The following PYCR2 variants were observed in gnomAD, a reference collection of about 807,000 sequenced individuals.
The protein encoded by PYCR2 is P5C reductase 2.
PYCR2 carries 17 observed loss-of-function variants against 23.4 expected under a neutral mutation model. That is an observed-to-expected ratio of 0.73 (90% confidence interval 0.50 to 1.09). PYCR2 has a LOEUF of 1.09. Ranked by LOEUF, PYCR2 falls within the 50% of genes least tolerant of loss-of-function variation. The pLI is 0.00. For synonymous variants in PYCR2, 172 were observed against 176.6 expected, an observed-to-expected ratio of 0.97 and a Z score of 0.21; for missense variants, 380 against 423.5, an observed-to-expected ratio of 0.90 and a Z score of 0.90.
chr1:225,921,141 C>G lies in PYCR2; in HGVS notation c.797+67G>C. The G allele has an allele frequency of 6.8e-7, 1 of 1,479,976 alleles. No homozygotes were observed. Among genetic ancestry groups the G allele is most frequent in the Non-Finnish European group, 9.2e-7 (1 of 1,088,210 alleles). The allele number at this position is 1,479,976 out of a possible 1,614,324, so 91.7% of individuals were successfully genotyped here. On this transcript the variant is annotated intron_variant, in intron 6 of 6. Coordinates refer to ENST00000343818, the MANE Select transcript of PYCR2 (RefSeq NM_013328.4). This position sits in a 1 kb window ranked among gnomAD's most constrained non-coding sequence, Gnocchi z 4.2. ...AAGACAGCAGGTTCCGCAAATGGTG[C>G]TCAACCCAGCCCAGGGACCAACCAG...
At chr1:225,923,911 T>G (rs761975348) in intron 1 of PYCR2, 133 bp downstream of exon 1, 46 of 1,473,070 alleles carry the variant, frequency 3.1e-5, no homozygotes, top group Non-Finnish European at 4.1e-5. Flanking sequence ...GAAGACGCAC[T>G]TGCTGCTCAA....
chr1:225,922,277 A>C lies in PYCR2; in HGVS notation c.245T>G (p.Ile82Ser). The change falls in exon 3 of 7, where the codon ATT (isoleucine) becomes AGT (serine). Residue 82 changes from isoleucine to serine, a missense_variant. Ile to Ser is a moderately radical substitution (Grantham distance 142). Transcript: ENST00000343818. ...PHIIPFILDE[I>S]GADVQARHIV... ...GTGTCTGGCTTGCACGTCGGCCCCA[A>C]TCTCATCCAGGATGAAGGGGATGAT... is the stretch of plus-strand genomic sequence containing the variant. 1.2e-6 allele frequency: 2 copies of C among 1,614,190 alleles called. No homozygotes were observed. Among genetic ancestry groups the C allele is most frequent in the Non-Finnish European group, 1.7e-6 (2 of 1,180,044 alleles).
Position 225,921,997 on chromosome 1 carries a change from A to G in PYCR2, c.401T>C (p.Val134Ala). ...CAGGGCATGGGTGCCCGTGGCGTAC[A>G]CTGTAGCGCCTTCCTGCACTACCAC... Reference protein sequence around the residue: ...TPVVVQEGATVYATGTHALVE... With the variant: ...TPVVVQEGATAYATGTHALVE... Residue 134 changes from valine to alanine, a missense_variant, in exon 4 of 7, where the codon GTG (valine) becomes GCG (alanine). Physicochemically the swap from Val to Ala is moderately conservative, Grantham distance 64 (BLOSUM62 0). Coordinates refer to ENST00000343818, the MANE Select transcript of PYCR2 (RefSeq NM_013328.4). This position sits in a 1 kb window ranked among gnomAD's most constrained non-coding sequence, Gnocchi z 4.2. The G allele has an allele frequency of 6.2e-7, 1 of 1,614,126 alleles. No individual in the cohort carries two copies. The highest frequency in any genetic ancestry group is 8.5e-7 in the Non-Finnish European group (1 of 1,180,024).
In PYCR2 at chr1:225,921,209, G is replaced by A. The variant is rs886037931; in HGVS notation, c.796C>T (p.Arg266Ter). 1.5e-5 allele frequency: 24 copies of A among 1,612,802 alleles called. No homozygotes were observed. The highest frequency in any genetic ancestry group is 1.7e-4 in the Middle Eastern group (1 of 6,056). The stretch of plus-strand genomic sequence containing the variant: ...CAGAAGTCCGCGGGATGGACTCACC[G>A]TGTTCGGATACAGGAGGCCTCAACT... The part of the protein sequence containing the change: ...NAVEASCIRT[R>*]ELQSMADQEK... Residue 266 changes from arginine to a stop codon, truncating the protein, a stop_gained and splice_region_variant, in exon 6 of 7, where the codon CGA becomes TGA. Coordinates refer to ENST00000343818, the MANE Select transcript of PYCR2 (RefSeq NM_013328.4). LOFTEE classifies it high-confidence loss of function. The surrounding 1 kb of genome is among the most constrained non-coding windows in gnomAD (Gnocchi z 4.2).
chr1:225,920,543 A>G lies in PYCR2; in HGVS notation c.875T>C (p.Leu292Pro). 6.3e-7 allele frequency: 1 copy of G among 1,596,362 alleles called. No homozygotes were observed. Among genetic ancestry groups the G allele is most frequent in the Non-Finnish European group, 8.6e-7 (1 of 1,165,038 alleles). ...LKKTLLDRVK[L>P]ESPTVSTLTP... ...CAGTGTGGAGACTGTGGGGGATTCC[A>G]GCTTCACTCTGTCTAAGAGGGTCTT... Residue 292 changes from leucine to proline, a missense_variant, in exon 7 of 7, where the codon CTG (leucine) becomes CCG (proline). Transcript: ENST00000343818.
At position 225,921,867 on chromosome 1, in the gene PYCR2, C is replaced by T. The variant is rs763167064; in HGVS notation, c.531G>A (p.Gly177=). 3 of 1,612,848 alleles carry T rather than the reference C, an allele frequency of 1.9e-6. 1 individual carries two copies. In the South Asian group the frequency reaches 3.3e-5, roughly 18 times the overall value. Residue 177 remains glycine, a synonymous_variant, in exon 4 of 7, where the codon GGG becomes GGA. Transcript: ENST00000343818. The surrounding 1 kb of genome is among the most constrained non-coding windows in gnomAD (Gnocchi z 4.2). Reference sequence around the variant, plus strand: ...CAAATGAGGGCCTCACATAGGCAGGCCCGCTGCCACTGAGCCCCGTGACGG... The same window carrying T: ...CAAATGAGGGCCTCACATAGGCAGGTCCGCTGCCACTGAGCCCCGTGACGG... ...IDAVTGLSGS[G]PAYAFMALDA...
chr1:225,924,217 C>G lies in PYCR2; in HGVS notation c.-107G>C. 1 of 1,239,842 alleles carries G rather than the reference C, an allele frequency of 8.1e-7. No homozygotes were observed. Among genetic ancestry groups the G allele is most frequent in the South Asian group, 1.5e-5 (1 of 67,406 alleles). The allele number at this position is 1,239,842 out of a possible 1,614,324, so 76.8% of individuals were successfully genotyped here. A position where few individuals can be genotyped will look rare whatever the true frequency, so the allele number is the denominator to read the frequency against. On this transcript the variant is annotated 5_prime_UTR_variant, in exon 1 of 7. Coordinates refer to ENST00000343818, the MANE Select transcript of PYCR2 (RefSeq NM_013328.4). ...GCGCAGGGGCGAACGGGCGGCGTGC[C>G]GAGGACCGGCGAGCTAACAGCAGCT...
At chr1:225,923,616 G>A in intron 2 of PYCR2, 85 bp downstream of exon 2, 4 of 1,603,394 alleles carry the variant, frequency 2.5e-6, no homozygotes, top group Non-Finnish European at 2.6e-6. Context: ...GCACTTGGGC[G>A]CAGGGGCCGG....
At position 225,922,049 on chromosome 1, in the gene PYCR2, C is replaced by T. The variant is rs752695318; in HGVS notation, c.349G>A (p.Val117Met). 4 of 1,614,042 alleles carry T rather than the reference C, an allele frequency of 2.5e-6. No individual in the cohort carries two copies. Among genetic ancestry groups the T allele is most frequent in the East Asian group, 2.2e-5 (1 of 44,904 alleles). ...KLMAFQPAPK[V>M]IRCMTNTPVV... is the part of the protein sequence containing the mutation. Reference sequence around the variant, plus strand: ...GGTGTGTTGGTCATGCAGCGAATCACTTTGGGGGCTGGCTGGAATGCCATC... The same window carrying T: ...GGTGTGTTGGTCATGCAGCGAATCATTTTGGGGGCTGGCTGGAATGCCATC... The change falls in exon 4 of 7, where the codon GTG (valine) becomes ATG (methionine). Residue 117 changes from valine (V) to methionine (M), a missense_variant. Coordinates refer to ENST00000343818, the MANE Select transcript of PYCR2 (RefSeq NM_013328.4).
In PYCR2 at chr1:225,922,085, G is replaced by A; in HGVS notation, c.319-6C>T. 3 of 1,613,232 alleles carry A rather than the reference G, an allele frequency of 1.9e-6. No homozygotes were observed. The highest frequency in any genetic ancestry group is 2.5e-6 in the Non-Finnish European group (3 of 1,179,464). Reference sequence around the variant, plus strand: ...GGCTGGAATGCCATCAGCTTCTAGGGTGAGGGAGAGAGCCGAATGAGTGGC... The same window carrying A: ...GGCTGGAATGCCATCAGCTTCTAGGATGAGGGAGAGAGCCGAATGAGTGGC... On this transcript the variant is annotated splice_polypyrimidine_tract_variant and splice_region_variant and intron_variant, in intron 3 of 6. Transcript: ENST00000343818.
chr1:225,922,527 T>C (rs1671871428), intron 2 of PYCR2, 144 bp from the exon 3 acceptor site: 1 of 752,972 alleles, frequency 1.3e-6, no homozygotes, highest in Admixed American at 2.8e-5. Flanking sequence ...GTTCTACCCC[T>C]ACCCCAAATA....
chr1:225,922,513 C>G, intron 2 of PYCR2, 130 bp from the exon 3 acceptor site: 1 of 908,730 alleles, frequency 1.1e-6, no homozygotes. Context: ...TTTATGCCCT[C>G]AGGGTTCTAC....
intron 2 of PYCR2, chr1:225,923,491 T>C: frequency 1.4e-6 from 2 of 1,419,982 alleles, no homozygotes; most frequent in Non-Finnish European, 1.8e-6. Context: ...CTCCAGTGTC[T>C]GGATCTGACC....
intron 1 of PYCR2, 76 bp downstream of exon 1, chr1:225,923,968 C>A: frequency 1.3e-6 from 2 of 1,513,516 alleles, no homozygotes; most frequent in Non-Finnish European, 8.9e-7. Flanking sequence ...CTTTCATTCG[C>A]TCATGCTGGT....
rs777817447 is a variant in PYCR2, at chr1:225,924,115, C to T, written c.-5G>A. The stretch of plus-strand genomic sequence containing the variant: ...CCCGATGAAGCCCACGCTCATGGTC[C>T]GCGGTTCACGCCTCCTGGGAGCCGC... On this transcript the variant is annotated 5_prime_UTR_variant, in exon 1 of 7. Transcript: ENST00000343818. The T allele has an allele frequency of 4.5e-6, 7 of 1,542,342 alleles. No individual in the cohort carries two copies. The East Asian group carries it at 1.5e-4, about 32-fold the overall frequency.
In PYCR2 at chr1:225,922,283, T is replaced by C; in HGVS notation, c.239A>G (p.Asp80Gly). 2 of 1,614,156 alleles carry C rather than the reference T, an allele frequency of 1.2e-6. No individual in the cohort carries two copies. The highest frequency in any genetic ancestry group is 1.7e-6 in the Non-Finnish European group (2 of 1,180,014). ...GGCTTGCACGTCGGCCCCAATCTCATCCAGGATGAAGGGGATGATATGTGG... is the reference window on the plus strand; with the variant it reads ...GGCTTGCACGTCGGCCCCAATCTCACCCAGGATGAAGGGGATGATATGTGG... Reference protein sequence around the residue: ...VKPHIIPFILDEIGADVQARH... With the variant: ...VKPHIIPFILGEIGADVQARH... Residue 80 changes from aspartate (D) to glycine (G), a missense_variant, in exon 3 of 7, where the codon GAT becomes GGT. Asp to Gly is a moderately conservative substitution (Grantham distance 94). Transcript: ENST00000343818.
chr1:225,923,147 C>A (rs1671892051), intron 2 of PYCR2: 1 of 570,882 alleles, frequency 1.8e-6, no homozygotes, highest in African/African-American at 2.0e-5. Context: ...CAGTGGCTCA[C>A]CCCTGTAATC....
rs1159291026 is a variant in PYCR2 at position 225,922,348 on chromosome 1, C to T, written c.174G>A (p.Glu58=). ...MGVNLTRSNK[E]TVKHSDVLFL... is the part of the protein sequence containing the mutation. The stretch of plus-strand genomic sequence containing the variant: ...ACAGGACGTCGCTGTGCTTCACCGT[C>T]TCCTTGTTGCTGCGTGTCAGGTTCA... The change falls in exon 3 of 7, where the codon GAG becomes GAA. Residue 58 remains glutamate, a synonymous_variant. Transcript: ENST00000343818. 6.2e-7 allele frequency: 1 copy of T among 1,614,022 alleles called. No individual in the cohort carries two copies. Among genetic ancestry groups the T allele is most frequent in the South Asian group, 1.1e-5 (1 of 91,082 alleles).
At position 225,924,062 on chromosome 1, in the gene PYCR2, G is replaced by C. The variant is rs1373428492; in HGVS notation, c.49C>G (p.Arg17Gly). 6.5e-7 allele frequency: 1 copy of C among 1,542,778 alleles called. No homozygotes were observed. The highest frequency in any genetic ancestry group is 8.7e-7 in the Non-Finnish European group (1 of 1,146,932). Reference protein sequence around the residue: ...GAGQLAYALARGFTAAGILSA... With the variant: ...GAGQLAYALAGGFTAAGILSA... ...CGCTTGCCTGCGGCCGTGAAGCCCC[G>C]CGCCAGAGCATAGGCCAGCTGGCCG... Residue 17 changes from arginine to glycine, a missense_variant, in exon 1 of 7, where the codon CGG (arginine) becomes GGG (glycine). Arg to Gly is a moderately radical substitution (Grantham distance 125). Transcript: ENST00000343818.
Sources: allele counts gnomAD v4.1 joint callset, GRCh38; gene constraint gnomAD v4.1.1; non-coding constraint Gnocchi (gnomAD v3.1); transcripts MANE v1.5; gene names NCBI Gene and HGNC (gene_info 2026-07-23, HGNC 2026-07-21).